Variants in RALGAPA1 observed in about 807,000 individuals in gnomAD.
RALGAPA1 encodes Ral GTPase activating protein catalytic subunit alpha 1, also known as ral GTPase-activating protein subunit alpha-1.
RALGAPA1 carries 52 observed loss-of-function variants against 269.6 expected under a neutral mutation model. The observed-to-expected ratio is 0.19, with a 90% CI of 0.15 to 0.24. The LOEUF (loss-of-function observed/expected upper bound fraction) is 0.24. Among genes scored for constraint, RALGAPA1 ranks in the 10% least tolerant of loss-of-function variants. The pLI is 1.00. For missense variants in RALGAPA1, 1,917 were observed against 3,013.9 expected (o/e 0.64, Z 8.52); for synonymous variants, 817 against 1,008.3 (o/e 0.81, Z 3.60).
chr14:35,663,781 T>C (rs893526081), intron 27 of RALGAPA1, among the ~76,000 whole-genome samples: 2 of 151,794 alleles, frequency 1.3e-5, no homozygotes, highest in Non-Finnish European at 2.9e-5. Context: ...TTAGTAGAGA[T>C]AGGGTTTCAC....
intron 9 of RALGAPA1, among the ~76,000 whole-genome samples, chr14:35,750,207 A>G (rs1258206838): frequency 1.3e-5 from 2 of 152,194 alleles, no homozygotes; most frequent in Non-Finnish European, 2.9e-5. Context: ...TTATCTGTAC[A>G]ATAAAGAATA....
chr14:35,597,206 G>A (rs943389653), intron 36 of RALGAPA1, among the ~76,000 whole-genome samples: 1 of 152,194 alleles, frequency 6.6e-6, no homozygotes, highest in African/African-American at 2.4e-5. Flanking sequence ...CAAAGGGCAT[G>A]TGGACTTCTA....
At chr14:35,635,321 A>T in intron 32 of RALGAPA1, 143 bp downstream of exon 32, 1 of 875,008 alleles carries the variant, frequency 1.1e-6, no homozygotes, top group Non-Finnish European at 1.6e-6. Flanking sequence ...CTTTTAAATT[A>T]CCCTTAGGCA....
chr14:35,759,214 T>C (rs1159554948), intron 6 of RALGAPA1, among the ~76,000 whole-genome samples: 2 of 152,240 alleles, frequency 1.3e-5, no homozygotes, highest in African/African-American at 4.8e-5. Flanking sequence ...TGGTACTGTT[T>C]CTAAAATTTT....
At chr14:35,776,470 T>C (rs2075035296) in intron 1 of RALGAPA1, among the ~76,000 whole-genome samples, 1 of 151,380 alleles carries the variant, frequency 6.6e-6, no homozygotes, top group Non-Finnish European at 1.5e-5. Flanking sequence ...TGTAAATAGG[T>C]ACTTAGGGAT....
intron 28 of RALGAPA1, among the ~76,000 whole-genome samples, chr14:35,657,539 A>G (rs987504851): frequency 5.9e-5 from 9 of 152,078 alleles, no homozygotes; most frequent in Non-Finnish European, 1.2e-4. Context: ...TAGAAAAACA[A>G]GTTGAGACAA....
intron 37 of RALGAPA1, among the ~76,000 whole-genome samples, chr14:35,578,367 G>T (rs1022904385): frequency 5.3e-5 from 8 of 152,152 alleles, no homozygotes; most frequent in Non-Finnish European, 1.0e-4. Context: ...TATACGTGTA[G>T]AAACTGTAAC....
chr14:35,804,185 T>A (rs918871952), intron 1 of RALGAPA1, among the ~76,000 whole-genome samples: 2 of 149,716 alleles, frequency 1.3e-5, no homozygotes, highest in African/African-American at 4.9e-5. Context: ...TCACTTGAAC[T>A]GGGGAGGTGG....
intron 13 of RALGAPA1, 65 bp from the exon 14 acceptor site, chr14:35,725,218 C>T (rs1309644905): frequency 8.7e-6 from 10 of 1,145,686 alleles, no homozygotes; most frequent in Admixed American, 8.1e-5. Flanking sequence ...TAATAGTTAA[C>T]TTTCAAATAC....
intron 40 of RALGAPA1, 134 bp from the exon 41 acceptor site, chr14:35,548,672 A>G: frequency 1.8e-6 from 1 of 559,866 alleles, no homozygotes; most frequent in Non-Finnish European, 3.1e-6. Flanking sequence ...TACACTCTTT[A>G]ATTATTGTAA....
At chr14:35,730,258 G>A (rs889020707) in intron 12 of RALGAPA1, among the ~76,000 whole-genome samples, 1 of 152,158 alleles carries the variant, frequency 6.6e-6, no homozygotes, top group Non-Finnish European at 1.5e-5. Context: ...CCCCAGGCAG[G>A]CCATTCCTGC....
At chr14:35,740,711 G>A (rs1030390564) in intron 11 of RALGAPA1, among the ~76,000 whole-genome samples, 7 of 152,146 alleles carry the variant, frequency 4.6e-5, no homozygotes, top group Non-Finnish European at 1.0e-4. Context: ...GGGTGGCTGA[G>A]GCTGGATGAT....
chr14:35,736,519 A>C (rs758667243), intron 12 of RALGAPA1, among the ~76,000 whole-genome samples: 2 of 152,134 alleles, frequency 1.3e-5, no homozygotes. Flanking sequence ...TTTACAGAAA[A>C]ATCAGTGAAA....
At chr14:35,794,822 T>C (rs955696661) in intron 1 of RALGAPA1, among the ~76,000 whole-genome samples, 8 of 152,214 alleles carry the variant, frequency 5.3e-5, no homozygotes, top group African/African-American at 1.9e-4. Flanking sequence ...TTGCCATTTA[T>C]ACCTACTGAA....
At chr14:35,639,071 T>C (rs2061842368) in intron 31 of RALGAPA1, among the ~76,000 whole-genome samples, 1 of 151,894 alleles carries the variant, frequency 6.6e-6, no homozygotes, top group African/African-American at 2.4e-5. Flanking sequence ...ACTTTGCCTA[T>C]AAAGACACAC....
At chr14:35,594,639 A>C (rs2058823148) in intron 37 of RALGAPA1, among the ~76,000 whole-genome samples, 1 of 152,016 alleles carries the variant, frequency 6.6e-6, no homozygotes, top group African/African-American at 2.4e-5. Context: ...AAAAGGTAAG[A>C]GATAACAAAC....
At chr14:35,734,993 C>T (rs2070842117) in intron 12 of RALGAPA1, among the ~76,000 whole-genome samples, 1 of 150,578 alleles carries the variant, frequency 6.6e-6, no homozygotes, top group African/African-American at 2.4e-5. Flanking sequence ...ATCAAAACCA[C>T]AATGCGATAC....
At chr14:35,789,459 G>A (rs1036800171) in intron 1 of RALGAPA1, among the ~76,000 whole-genome samples, 2 of 152,026 alleles carry the variant, frequency 1.3e-5, no homozygotes, top group Non-Finnish European at 2.9e-5. Flanking sequence ...AGGGGTGGTG[G>A]CACACGCCTG....
At chr14:35,787,143 T>C (rs1003288718) in intron 1 of RALGAPA1, among the ~76,000 whole-genome samples, 1 of 152,220 alleles carries the variant, frequency 6.6e-6, no homozygotes, top group Admixed American at 6.5e-5. Context: ...TTAACTCCTT[T>C]ACTCCTTTAG....
Sources: allele counts gnomAD v4.1 joint callset (sites outside exome capture counted in the v4.1 genomes callset), GRCh38; gene constraint gnomAD v4.1.1; transcripts MANE v1.5; gene names NCBI Gene and HGNC (gene_info 2026-07-23, HGNC 2026-07-21).